The following RBFOX1 variants were observed in gnomAD, a reference collection of about 807,000 sequenced individuals.
The protein encoded by RBFOX1 is RNA binding fox-1 homolog 1.
RBFOX1 carries 8 observed loss-of-function variants against 57.7 expected under a neutral mutation model. That is an observed-to-expected ratio of 0.14 (90% confidence interval 0.08 to 0.25). The LOEUF is 0.25. Among genes scored for constraint, RBFOX1 ranks in the 10% least tolerant of loss-of-function variants. RBFOX1 has a pLI of 1.00. For missense variants in RBFOX1, 611 were observed against 548.5 expected (o/e 1.11, Z -1.14); for synonymous variants, 326 against 222.4 (o/e 1.47, Z -4.15).
At chr16:7,688,212 C>A (rs1155240) in intron 14 of RBFOX1, among the ~76,000 whole-genome samples, 149,309 of 149,796 alleles carry the variant, frequency 1, 74,416 homozygotes, top group East Asian at 1. Context: ...GCATCCTTGG[C>A]AGGTTTAAAT....
At chr16:6,603,661 G>T (rs1456634725) in intron 2 of RBFOX1, among the ~76,000 whole-genome samples, 1 of 152,196 alleles carries the variant, frequency 6.6e-6, no homozygotes, top group African/African-American at 2.4e-5. Context: ...CCACTAGGCT[G>T]ACTGTAGTGT....
intron 12 of RBFOX1, among the ~76,000 whole-genome samples, chr16:7,664,584 A>G (rs2068681165): frequency 6.6e-6 from 1 of 151,988 alleles, no homozygotes; most frequent in Non-Finnish European, 1.5e-5. Context: ...GCCAACTCTG[A>G]CCTGTTAAGA....
At chr16:7,390,916 A>T (rs1003055770) in intron 4 of RBFOX1, among the ~76,000 whole-genome samples, 1 of 152,174 alleles carries the variant, frequency 6.6e-6, no homozygotes, top group Admixed American at 6.5e-5. Context: ...GAATAAAAAA[A>T]GATCCAGGGA....
intron 1 of RBFOX1, among the ~76,000 whole-genome samples, chr16:5,392,563 G>C (rs912750685): frequency 1.3e-5 from 2 of 149,218 alleles, no homozygotes; most frequent in Non-Finnish European, 3.0e-5. Context: ...TTTTGAGACA[G>C]GGTCTCATCG....
intron 2 of RBFOX1, among the ~76,000 whole-genome samples, chr16:6,392,066 C>G (rs891058914): frequency 4.6e-5 from 7 of 152,300 alleles, no homozygotes; most frequent in African/African-American, 1.7e-4. Flanking sequence ...GAGATAATCC[C>G]TCTTCAATAA....
chr16:6,636,432 A>C (rs990942179), intron 2 of RBFOX1, among the ~76,000 whole-genome samples: 2 of 152,086 alleles, frequency 1.3e-5, no homozygotes, highest in Non-Finnish European at 2.9e-5. Flanking sequence ...GGCCTCCCAA[A>C]GTGCTGGGAT....
chr16:6,810,161 G>A (rs7194606), intron 3 of RBFOX1, among the ~76,000 whole-genome samples: 11,426 of 151,836 alleles, frequency 0.075, 1,165 homozygotes, highest in African/African-American at 0.23. Flanking sequence ...TAGGGATTAC[G>A]GATCACTCTC....
chr16:7,135,817 C>G (rs987398514), intron 4 of RBFOX1, among the ~76,000 whole-genome samples: 8 of 152,208 alleles, frequency 5.3e-5, no homozygotes, highest in Non-Finnish European at 8.8e-5. Context: ...TATTTCTAGT[C>G]TTTTTGACTG....
intron 1 of RBFOX1, among the ~76,000 whole-genome samples, chr16:6,202,742 C>T (rs1432755908): frequency 6.6e-6 from 1 of 152,080 alleles, no homozygotes; most frequent in South Asian, 2.1e-4. Context: ...CCTCCAAAAG[C>T]CTCCTCCCAC....
rs528498249 is a variant in RBFOX1, at chr16:5,370,289, G to C, written c.220-96927G>C. On this transcript the variant is annotated intron_variant, in intron 1 of 2. Transcript: ENST00000585867. ...ACTTGTAACAGACAAGCCCCCAAGCGTGAGATCTAGACGGCATCTCCATGA... is the reference window on the plus strand; with the variant it reads ...ACTTGTAACAGACAAGCCCCCAAGCCTGAGATCTAGACGGCATCTCCATGA... Among the ~76,000 whole-genome samples the C allele has an allele frequency of 2.0e-5, 3 of 151,984 alleles. No individual in the cohort carries two copies. The East Asian group carries it at 5.8e-4, about 29-fold the overall frequency.
At chr16:5,963,834 A>AC (rs767639222) in intron 4 of RBFOX1, among the ~76,000 whole-genome samples, 2 of 152,232 alleles carry the variant, frequency 1.3e-5, no homozygotes, top group Non-Finnish European at 2.9e-5. Flanking sequence ...AAGTGCCTTG[A>AC]CATTGGTCTT....
chr16:6,284,129 G>T (rs887643778), intron 1 of RBFOX1, among the ~76,000 whole-genome samples: 1 of 152,114 alleles, frequency 6.6e-6, no homozygotes, highest in Non-Finnish European at 1.5e-5. Context: ...GTACTGAAGT[G>T]GTAGATGGTA....
Position 7,217,970 on chromosome 16 carries a change from CTGCGTGTGTGCATG to C in RBFOX1, c.27+165876_27+165889del, listed in dbSNP as rs528383161. ...TGTGTGTGCACATGTGTACCTGTGTCTGCGTGTGTGCATGTGCATGTGTGCACGTGCATGTGTGT... is the reference window on the plus strand; with the variant it reads ...TGTGTGTGCACATGTGTACCTGTGTCTGCATGTGTGCACGTGCATGTGTGT... On this transcript the variant is annotated intron_variant, in intron 4 of 15. Coordinates refer to ENST00000550418, the MANE Select transcript of RBFOX1 (RefSeq NM_018723.4). Among the ~76,000 whole-genome samples, 7 of 150,454 alleles carry C rather than the reference CTGCGTGTGTGCATG, an allele frequency of 4.7e-5. No individual in the cohort carries two copies. In the South Asian group the frequency reaches 1.3e-3, roughly 27 times the overall value.
rs531713549 is a variant in RBFOX1 at position 6,529,545 on chromosome 16, A to T, written c.-63-125058A>T. ...CTGCACTGCAGCCTGGGTGACAGAGACTCCATCTCAAATAATAATAATAAT... is the reference window on the plus strand; with the variant it reads ...CTGCACTGCAGCCTGGGTGACAGAGTCTCCATCTCAAATAATAATAATAAT... On this transcript the variant is annotated intron_variant, in intron 2 of 15. Transcript: ENST00000550418. Among the ~76,000 whole-genome samples the T allele has an allele frequency of 1.6e-3, 246 of 149,492 alleles. 1 individual carries two copies. Among genetic ancestry groups the T allele is most frequent in the African/African-American group, 5.9e-3 (239 of 40,622 alleles).
At chr16:7,609,409 G>A (rs2056988064) in intron 10 of RBFOX1, among the ~76,000 whole-genome samples, 1 of 152,154 alleles carries the variant, frequency 6.6e-6, no homozygotes, top group Non-Finnish European at 1.5e-5. Flanking sequence ...TGTGGGTGTT[G>A]AGGAGGACAT....
At chr16:7,672,342 G>A (rs549129205) in intron 13 of RBFOX1, among the ~76,000 whole-genome samples, 16 of 152,144 alleles carry the variant, frequency 1.1e-4, no homozygotes, top group Non-Finnish European at 2.2e-4. Context: ...GAGAGTTGTA[G>A]GACATTACTT....
chr16:5,798,623 T>C (rs1440470365), intron 3 of RBFOX1, among the ~76,000 whole-genome samples: 1 of 152,230 alleles, frequency 6.6e-6, no homozygotes, highest in African/African-American at 2.4e-5. Flanking sequence ...TCTGGATCAC[T>C]CACCTATATG....
intron 1 of RBFOX1, among the ~76,000 whole-genome samples, chr16:5,429,732 TA>T (rs771476255): frequency 6.6e-6 from 1 of 152,208 alleles, no homozygotes; most frequent in African/African-American, 2.4e-5. Flanking sequence ...CACTGTGCCA[TA>T]ATTCTGCTGC....
intron 3 of RBFOX1, among the ~76,000 whole-genome samples, chr16:6,674,307 C>G (rs2154114245): frequency 6.6e-6 from 1 of 151,918 alleles, no homozygotes; most frequent in African/African-American, 2.4e-5. Flanking sequence ...TGACTGGGTT[C>G]TTTATTTTTA....
Sources: gnomAD v4.1 joint callset for allele counts (sites outside exome capture counted in the v4.1 genomes callset) on GRCh38, gnomAD v4.1.1 for gene constraint, MANE v1.5 for transcripts, NCBI Gene and HGNC (gene_info 2026-07-23, HGNC 2026-07-21) for gene names.